Variants in CDH3 observed in about 807,000 individuals in gnomAD.
CDH3 encodes cadherin 3.
Under a neutral mutation model 82.0 loss-of-function variants are expected in CDH3, and 54 were observed. That is an observed-to-expected ratio of 0.66 (90% CI 0.53 to 0.83). The LOEUF (loss-of-function observed/expected upper bound fraction) is 0.83. CDH3 is among the 40% of genes least tolerant of loss of function. The pLI is 0.00. For missense variants in CDH3, 1,054 were observed against 1,084.6 expected (o/e 0.97, Z 0.40); for synonymous variants, 446 against 437.9 (o/e 1.02, Z -0.23).
chr16:68,685,109 C>T lies in CDH3; in HGVS notation c.1425-96C>T, dbSNP rs1961367479. 3 of 1,430,680 alleles carry T rather than the reference C, an allele frequency of 2.1e-6. No homozygotes were observed. The Admixed American group carries it at 5.0e-5, about 24-fold the overall frequency. 88.6% of individuals were successfully genotyped at this position (1,430,680 alleles called of 1,614,324 possible). A position where few individuals can be genotyped will look rare whatever the true frequency, so the allele number is the denominator to read the frequency against. ...TTCCATATGATCCTGCTTAGGAGCC[C>T]AGAGGCCATCTGCCAGTTGGTATGA... is the stretch of plus-strand genomic sequence containing the variant. On this transcript the variant is annotated intron_variant, in intron 10 of 15. Transcript: ENST00000264012.
chr16:68,708,053 C>T (rs548233474), intron 1 of CDH3, among the ~76,000 whole-genome samples: 17 of 152,184 alleles, frequency 1.1e-4, no homozygotes, highest in African/African-American at 3.4e-4. Flanking sequence ...ATAGACTGGG[C>T]GCAGTGACTC....
downstream of CDH3, among the ~76,000 whole-genome samples, chr16:68,732,050 T>A (rs982219867): frequency 3.7e-5 from 4 of 107,908 alleles, no homozygotes; most frequent in African/African-American, 1.3e-4. Flanking sequence ...GAAATAAAAC[T>A]GTTTTTTTTT....
At position 68,698,410 on chromosome 16, in the gene CDH3, C is replaced by A; in HGVS notation, c.*10C>A. On this transcript the variant is annotated 3_prime_UTR_variant, in exon 16 of 16. Transcript: ENST00000264012. ...CGGGGAGGACGACTAGGCGGCCTGC[C>A]TGCAGGGCTGGGGACCAAACGTCAG... is the stretch of plus-strand genomic sequence containing the variant. 2 of 1,612,866 alleles carry A rather than the reference C, an allele frequency of 1.2e-6. No individual in the cohort carries two copies. The highest frequency in any genetic ancestry group is 2.2e-5 in the South Asian group (2 of 91,024).
chr16:68,652,629 G>A (rs1005422235), intron 2 of CDH3, among the ~76,000 whole-genome samples: 6 of 152,162 alleles, frequency 3.9e-5, no homozygotes, highest in East Asian at 1.9e-4. Flanking sequence ...TGTGCAGCCC[G>A]ATGAACATCG....
chr16:68,654,083 G>A (rs1485163550), intron 2 of CDH3, among the ~76,000 whole-genome samples: 1 of 137,390 alleles, frequency 7.3e-6, no homozygotes, highest in Non-Finnish European at 1.5e-5. Flanking sequence ...TTTTTGAGAT[G>A]GAGTCTCACT....
At chr16:68,710,506 G>C (rs531304104) in intron 1 of CDH3, among the ~76,000 whole-genome samples, 1 of 152,164 alleles carries the variant, frequency 6.6e-6, no homozygotes, top group South Asian at 2.1e-4. Flanking sequence ...CCCCTACAAT[G>C]CACAGGACAG....
At chr16:68,706,479 C>T (rs1223917710) in intron 1 of CDH3, among the ~76,000 whole-genome samples, 2 of 150,860 alleles carry the variant, frequency 1.3e-5, no homozygotes, top group Non-Finnish European at 3.0e-5. Context: ...GCTGTGCTGG[C>T]TGCCTGGGGA....
chr16:68,680,083 T>A, intron 7 of CDH3, 109 bp downstream of exon 7: 1 of 1,083,226 alleles, frequency 9.2e-7, no homozygotes, highest in Non-Finnish European at 1.4e-6. Flanking sequence ...GGCAGAACAG[T>A]GAGGACCCAC....
intron 3 of CDH3, among the ~76,000 whole-genome samples, chr16:68,676,888 T>C (rs1361907643): frequency 6.6e-6 from 1 of 152,126 alleles, no homozygotes; most frequent in African/African-American, 2.4e-5. Context: ...TTTTAATTTT[T>C]GAATAGCTAA....
intron 2 of CDH3, among the ~76,000 whole-genome samples, chr16:68,660,499 A>C (rs1447386730): frequency 6.6e-6 from 1 of 152,204 alleles, no homozygotes; most frequent in African/African-American, 2.4e-5. Flanking sequence ...CTAGTTAGCA[A>C]GCATTTTGCT....
intron 2 of CDH3, chr16:68,651,414 A>G: frequency 1.8e-6 from 1 of 549,356 alleles, no homozygotes; most frequent in Admixed American, 2.0e-5. Context: ...GTACATGGTC[A>G]TACCCGACTG....
intron 1 of CDH3, among the ~76,000 whole-genome samples, chr16:68,713,301 AG>A (rs1177748290): frequency 6.6e-6 from 1 of 152,090 alleles, no homozygotes; most frequent in African/African-American, 2.4e-5. Context: ...AGGGGGAAAA[AG>A]TTCCCTAATC....
At chr16:68,680,735 G>A (rs1012639091) in intron 7 of CDH3, among the ~76,000 whole-genome samples, 1 of 152,140 alleles carries the variant, frequency 6.6e-6, no homozygotes, top group Non-Finnish European at 1.5e-5. Flanking sequence ...CGATGCCAAG[G>A]CTTCCCTAGG....
At chr16:68,710,024 C>T (rs552200744) in intron 1 of CDH3, among the ~76,000 whole-genome samples, 19 of 152,364 alleles carry the variant, frequency 1.2e-4, no homozygotes, top group African/African-American at 3.8e-4. Context: ...CCCTTCTTCC[C>T]GCTGCTCTGC....
chr16:68,676,526 A>G, intron 3 of CDH3, 56 bp downstream of exon 3: 1 of 1,404,592 alleles, frequency 7.1e-7, no homozygotes, highest in Non-Finnish European at 1.0e-6. Context: ...GTGCATGCCC[A>G]AATTGCTGGC....
At chr16:68,728,315 G>A (rs9926347), downstream of CDH3, among the ~76,000 whole-genome samples, 122,392 of 151,900 alleles carry the variant, frequency 0.81, 50,074 homozygotes, top group Non-Finnish European at 0.89. Context: ...GCAGGCGCCC[G>A]CCACCACGCC....
At chr16:68,733,696 C>G in the CDH3 span, among the ~76,000 whole-genome samples, 152 of 152,308 alleles carry the variant, frequency 1.0e-3, 1 homozygote, top group South Asian at 4.1e-4. Flanking sequence ...GAGCCGAGAT[C>G]GCGCCATTGC....
intron 1 of CDH3, among the ~76,000 whole-genome samples, chr16:68,710,360 C>T (rs962155800): frequency 1.3e-5 from 2 of 152,178 alleles, no homozygotes; most frequent in African/African-American, 2.4e-5. Context: ...TCACCCTAAC[C>T]GAGTGGTTCT....
intron 2 of CDH3, among the ~76,000 whole-genome samples, 158 bp from the exon 3 acceptor site, chr16:68,676,227 A>C (rs1217659689): frequency 6.6e-6 from 1 of 152,174 alleles, no homozygotes; most frequent in Non-Finnish European, 1.5e-5. Flanking sequence ...AACTTGTATT[A>C]GTCACACTCC....
Sources: gnomAD v4.1 joint callset for allele counts (sites outside exome capture counted in the v4.1 genomes callset) on GRCh38, gnomAD v4.1.1 for gene constraint, MANE v1.5 for transcripts, NCBI Gene and HGNC (gene_info 2026-07-23, HGNC 2026-07-21) for gene names.